FGF12: variants seen among roughly 807,000 people sequenced by gnomAD.
FGF12 encodes fibroblast growth factor 12.
In FGF12, 14 loss-of-function variants were observed where a neutral mutation model predicts 23.6. The ratio of observed to expected loss-of-function variants is 0.59; its 90% confidence interval spans 0.39 to 0.93. FGF12 has a LOEUF of 0.93. Among genes scored for constraint, FGF12 ranks in the 40% least tolerant of loss-of-function variants. The probability of loss-of-function intolerance (pLI) is 0.00; values close to 1 mark genes in which losing one functional copy is unlikely to be tolerated. For synonymous variants in FGF12, 62 were observed against 77.3 expected, an observed-to-expected ratio of 0.80 and a Z score of 1.04; for missense variants, 175 against 217.8, an observed-to-expected ratio of 0.80 and a Z score of 1.24.
intron 4 of FGF12, among the ~76,000 whole-genome samples, chr3:192,237,793 C>T (rs1422829485): frequency 6.6e-6 from 1 of 152,142 alleles, no homozygotes; most frequent in Non-Finnish European, 1.5e-5. Flanking sequence ...TATGTGGTTC[C>T]TTGTCATTCA....
intron 4 of FGF12, among the ~76,000 whole-genome samples, chr3:192,292,296 A>G (rs906788838): frequency 6.8e-6 from 1 of 146,406 alleles, no homozygotes; most frequent in Non-Finnish European, 1.5e-5. Flanking sequence ...ATACCAAACA[A>G]TTTTTTTTTT....
intron 2 of FGF12, among the ~76,000 whole-genome samples, chr3:192,544,341 C>T (rs1434132734): frequency 2.0e-5 from 3 of 152,134 alleles, no homozygotes; most frequent in East Asian, 1.9e-4. Flanking sequence ...AAACTGGGTA[C>T]TGTGATTGCT....
chr3:192,399,391 G>A (rs976400002), intron 2 of FGF12, among the ~76,000 whole-genome samples: 36 of 152,110 alleles, frequency 2.4e-4, no homozygotes, highest in African/African-American at 7.7e-4. Flanking sequence ...CGAATCTTCC[G>A]GCACCTTGAT....
chr3:192,496,112 C>T (rs9836935), intron 2 of FGF12, among the ~76,000 whole-genome samples: 12,555 of 152,224 alleles, frequency 0.082, 1,663 homozygotes, highest in African/African-American at 0.28. Flanking sequence ...GTCACAAATG[C>T]TATGATCATT....
intron 2 of FGF12, among the ~76,000 whole-genome samples, chr3:192,591,935 A>T (rs746230632): frequency 1.8e-4 from 28 of 151,756 alleles, no homozygotes; most frequent in Admixed American, 1.6e-3. Context: ...TTGCCACAGT[A>T]CATAATCTCA....
chr3:192,609,440 T>C (rs1194542158), intron 2 of FGF12, among the ~76,000 whole-genome samples: 1 of 152,124 alleles, frequency 6.6e-6, no homozygotes, highest in Non-Finnish European at 1.5e-5. Context: ...ATCATGAATA[T>C]GGAAAAGATA....
At chr3:192,158,666 C>CTCCCCCTTCCTTCTTTCCTTCCTTCCT (rs1553844342) in intron 5 of FGF12, among the ~76,000 whole-genome samples, 15 of 63,320 alleles carry the variant, frequency 2.4e-4, no homozygotes, top group African/African-American at 3.5e-4. Context: ...CCTTCCTTCC[C>CTCCCCCTTCCTTCTTTCCTTCCTTCCT]TCCCTCCCTC....
At chr3:192,650,056 G>C (rs1033408113) in intron 2 of FGF12, among the ~76,000 whole-genome samples, 2 of 152,204 alleles carry the variant, frequency 1.3e-5, no homozygotes, top group Non-Finnish European at 2.9e-5. Context: ...CTTCATGTAG[G>C]AAACAGTCTT....
chr3:192,389,445 G>T lies in FGF12; in HGVS notation c.14-28907C>A, dbSNP rs1340956075. 3.9e-5 allele frequency among the ~76,000 whole-genome samples: 6 copies of T among 152,290 alleles called. No individual in the cohort carries two copies. The East Asian group carries it at 1.2e-3, about 29-fold the overall frequency. On this transcript the variant is annotated intron_variant, in intron 2 of 5. Transcript: ENST00000445105. ...AACACTTCCTCAAGGGGAAAGTTGG[G>T]AACAGCATACGTGCATTTTAACGCT...
intron 2 of FGF12, among the ~76,000 whole-genome samples, chr3:192,437,016 G>T (rs550807311): frequency 5.0e-4 from 76 of 152,338 alleles, no homozygotes; most frequent in African/African-American, 1.8e-3. Context: ...CTATGGAGGT[G>T]TTTAAGGACG....
At chr3:192,646,437 G>A (rs1371423252) in intron 2 of FGF12, among the ~76,000 whole-genome samples, 2 of 152,076 alleles carry the variant, frequency 1.3e-5, no homozygotes, top group Non-Finnish European at 2.9e-5. Flanking sequence ...TGGGGAGTAG[G>A]AAGAGGAATC....
intron 4 of FGF12, among the ~76,000 whole-genome samples, chr3:192,201,308 G>C (rs1159022887): frequency 6.6e-6 from 1 of 152,160 alleles, no homozygotes; most frequent in Non-Finnish European, 1.5e-5. Flanking sequence ...ATGTGTGGGG[G>C]AATGGAAATG....
chr3:192,409,986 G>GCGGAGC lies in FGF12; in HGVS notation c.14-49454_14-49449dup, dbSNP rs1721140872. 6.6e-6 allele frequency among the ~76,000 whole-genome samples: 1 copy of GCGGAGC among 151,820 alleles called. No homozygotes were observed. The highest frequency in any genetic ancestry group is 6.6e-5 in the Admixed American group (1 of 15,240). ...ATTCATGGGCTGAGGCTCTGGGCGC[G>GCGGAGC]CGGAGCCGCCGCCGCCCCTCCGGCT... On this transcript the variant is annotated intron_variant, in intron 2 of 5. Coordinates refer to ENST00000445105, the MANE Select transcript of FGF12 (RefSeq NM_004113.6). This position sits in a 1 kb window ranked among gnomAD's most constrained non-coding sequence, Gnocchi z 4.8.
chr3:192,383,240 C>G (rs1719902231), intron 2 of FGF12, among the ~76,000 whole-genome samples: 1 of 152,146 alleles, frequency 6.6e-6, no homozygotes, highest in African/African-American at 2.4e-5. Flanking sequence ...ACATACTTCT[C>G]TCCTTGTGAG....
intron 2 of FGF12, among the ~76,000 whole-genome samples, chr3:192,364,701 T>C (rs1284633308): frequency 2.0e-5 from 3 of 152,174 alleles, no homozygotes; most frequent in African/African-American, 7.2e-5. Flanking sequence ...TGGAAGAATG[T>C]TGGGTCCCTG....
rs57204474 is a variant in FGF12 at position 192,307,094 on chromosome 3, G to A, written c.228+28267C>T. On this transcript the variant is annotated intron_variant, in intron 4 of 5. Transcript: ENST00000445105. ...TGTTATGTGAAAAATAATAATTTTC[G>A]CAAACACTTTTACAGCACTTACCAT... Among the ~76,000 whole-genome samples the A allele has an allele frequency of 1.3e-3, 191 of 152,108 alleles. 2 individuals are homozygous for A. Among genetic ancestry groups the A allele is most frequent in the African/African-American group, 4.2e-3 (174 of 41,486 alleles).
chr3:192,630,707 C>T (rs916921953), intron 2 of FGF12, among the ~76,000 whole-genome samples: 10 of 146,134 alleles, frequency 6.8e-5, no homozygotes, highest in African/African-American at 2.6e-4. Flanking sequence ...CGCCCGCCAC[C>T]ACGCCCGGCT....
chr3:192,213,948 T>C (rs1417133122), intron 4 of FGF12, among the ~76,000 whole-genome samples: 1 of 152,138 alleles, frequency 6.6e-6, no homozygotes, highest in East Asian at 1.9e-4. Flanking sequence ...CTTCCTGGAG[T>C]ACCAGGGCAT....
intron 2 of FGF12, among the ~76,000 whole-genome samples, chr3:192,638,792 A>C (rs1390425000): frequency 1.3e-5 from 2 of 152,204 alleles, no homozygotes; most frequent in Non-Finnish European, 2.9e-5. Context: ...GAAAAATCCC[A>C]CGGATCAGAT....
Sources: allele counts gnomAD v4.1 joint callset (sites outside exome capture counted in the v4.1 genomes callset), GRCh38; gene constraint gnomAD v4.1.1; non-coding constraint Gnocchi (gnomAD v3.1); transcripts MANE v1.5; gene names NCBI Gene and HGNC (gene_info 2026-07-23, HGNC 2026-07-21).